Variants in GLG1 observed in about 807,000 individuals in gnomAD.
GLG1 encodes Golgi apparatus protein 1.
Under a neutral mutation model 160.5 loss-of-function variants are expected in GLG1, and 38 were observed. The ratio of observed to expected loss-of-function variants is 0.24; its 90% CI spans 0.18 to 0.31. The LOEUF (loss-of-function observed/expected upper bound fraction) is 0.31, where lower values mean the gene tolerates loss of function less well. Ranked by LOEUF, GLG1 falls within the 10% of genes least tolerant of loss-of-function variation. The probability of loss-of-function intolerance (pLI) is 1.00; values close to 1 mark genes in which losing one functional copy is unlikely to be tolerated. For synonymous variants in GLG1, 644 were observed against 543.4 expected (o/e 1.19, Z -2.57); for missense variants, 1,373 against 1,505.2 (o/e 0.91, Z 1.45).
At chr16:74,467,921 T>C (rs2015058222) in intron 17 of GLG1, 73 bp from the exon 18 acceptor site, 1 of 954,172 alleles carries the variant, frequency 1.0e-6, no homozygotes, top group Admixed American at 2.1e-5. Context: ...GGAGACTTAT[T>C]TGTTGACTGC....
intron 1 of GLG1, among the ~76,000 whole-genome samples, chr16:74,551,008 G>A (rs1597338367): frequency 6.6e-6 from 1 of 152,228 alleles, no homozygotes; most frequent in East Asian, 1.9e-4. Flanking sequence ...TATTCATGTT[G>A]AATCTAACGG....
At chr16:74,484,031 T>C (rs1053466589) in intron 9 of GLG1, among the ~76,000 whole-genome samples, 4 of 152,062 alleles carry the variant, frequency 2.6e-5, no homozygotes, top group African/African-American at 9.7e-5. Context: ...AACTGATAAG[T>C]ATCTTAAATG....
intron 1 of GLG1, among the ~76,000 whole-genome samples, chr16:74,564,798 C>G (rs994022858): frequency 6.6e-6 from 1 of 152,238 alleles, no homozygotes; most frequent in Non-Finnish European, 1.5e-5. Context: ...AATGCAACAT[C>G]ATCAAATTGA....
rs1417184964 is a variant in GLG1, at chr16:74,491,188, C to T, written c.1262G>A (p.Gly421Glu). 2 of 1,613,972 alleles carry T rather than the reference C, an allele frequency of 1.2e-6. No individual in the cohort carries two copies. The highest frequency in any genetic ancestry group is 1.7e-6 in the Non-Finnish European group (2 of 1,179,862). Reference protein sequence around the residue: ...RGRQVSSECQGEMLDYRRMLM... With the variant: ...RGRQVSSECQEEMLDYRRMLM... ...CATGCGTCGGTAATCCAGCATCTCCCCCTGGCACTCACTGCTGACTTGTCG... is the reference window on the plus strand; with the variant it reads ...CATGCGTCGGTAATCCAGCATCTCCTCCTGGCACTCACTGCTGACTTGTCG... The change falls in exon 8 of 26, where the codon GGG (glycine) becomes GAG (glutamate). Residue 421 changes from glycine to glutamate, a missense_variant. By Grantham distance (98) the Gly-to-Glu change is moderately conservative (BLOSUM62 -2). This residue lies in a region of GLG1 where 386 missense variants were observed against 388.5 expected (regional missense o/e 0.99). Coordinates refer to ENST00000422840, the MANE Select transcript of GLG1 (RefSeq NM_001145667.2).
In GLG1 at chr16:74,545,256, C is replaced by T. The variant is rs534421176; in HGVS notation, c.439-13103G>A. ...AGTGCAGTGGTACAATCTCAGTTCA[C>T]TGAAGCCTCAACCTCCCAGCCTCAA... On this transcript the variant is annotated intron_variant, in intron 1 of 25. Coordinates refer to ENST00000422840, the MANE Select transcript of GLG1 (RefSeq NM_001145667.2). Among the ~76,000 whole-genome samples, 16 of 152,224 alleles carry T rather than the reference C, an allele frequency of 1.1e-4. No individual in the cohort carries two copies. In the South Asian group the frequency reaches 3.1e-3, roughly 30 times the overall value.
At chr16:74,553,469 G>GTTT (rs537408696) in intron 1 of GLG1, among the ~76,000 whole-genome samples, 7 of 106,080 alleles carry the variant, frequency 6.6e-5, no homozygotes, top group Admixed American at 1.2e-4. Flanking sequence ...TTTTGTTTCG[G>GTTT]TTTTTTTTTT....
chr16:74,471,951 C>G (rs2143252690), intron 14 of GLG1, among the ~76,000 whole-genome samples: 1 of 152,058 alleles, frequency 6.6e-6, no homozygotes, highest in East Asian at 1.9e-4. Context: ...GTTGCTTAGG[C>G]TGGAGTGCAG....
intron 1 of GLG1, among the ~76,000 whole-genome samples, chr16:74,602,879 G>A (rs1164419045): frequency 6.6e-6 from 1 of 151,972 alleles, no homozygotes; most frequent in African/African-American, 2.4e-5. Flanking sequence ...GAAAATCTAT[G>A]GGGCACGCAC....
chr16:74,469,740 T>C (rs533542530), intron 16 of GLG1: 2 of 512,070 alleles, frequency 3.9e-6, no homozygotes, highest in African/African-American at 3.8e-5. Flanking sequence ...GTCAGTTAGA[T>C]GGCCTGACCT....
intron 1 of GLG1, among the ~76,000 whole-genome samples, chr16:74,596,893 G>A (rs1327092206): frequency 6.6e-6 from 1 of 152,110 alleles, no homozygotes; most frequent in East Asian, 1.9e-4. Context: ...AAGGCAGGAG[G>A]ACTGCTTGAA....
intron 2 of GLG1, among the ~76,000 whole-genome samples, chr16:74,524,928 G>C (rs2017288706): frequency 6.6e-6 from 1 of 152,080 alleles, no homozygotes; most frequent in Non-Finnish European, 1.5e-5. Context: ...TGTCCTTTTT[G>C]TGATCTTTTG....
At position 74,459,686 on chromosome 16, in the gene GLG1, T is replaced by C. The variant is rs781255449; in HGVS notation, c.3140A>G (p.Lys1047Arg). ...NLLKIKTELC[K>R]KEVLNMLKES... Reference sequence around the variant, plus strand: ...AAAGAAGGTGACGGTGGTTACCTTTTTACACAATTCTGTTTTGATCTTGAG... The same window carrying C: ...AAAGAAGGTGACGGTGGTTACCTTTCTACACAATTCTGTTTTGATCTTGAG... Residue 1047 changes from lysine to arginine, a missense_variant, in exon 23 of 26, where the codon AAA (lysine) becomes AGA (arginine). By Grantham distance (26) the Lys-to-Arg change is conservative. Coordinates refer to ENST00000422840, the MANE Select transcript of GLG1 (RefSeq NM_001145667.2). 2.0e-6 allele frequency: 3 copies of C among 1,519,382 alleles called. No individual in the cohort carries two copies. Among genetic ancestry groups the C allele is most frequent in the African/African-American group, 2.8e-5 (2 of 72,324 alleles). 94.1% of individuals were successfully genotyped at this position (1,519,382 alleles called of 1,614,324 possible).
chr16:74,590,637 A>AG (rs1958155586), intron 1 of GLG1, among the ~76,000 whole-genome samples: 1 of 150,670 alleles, frequency 6.6e-6, no homozygotes, highest in Middle Eastern at 3.4e-3. Flanking sequence ...AAAAAAAAAA[A>AG]AAAGAAATTA....
chr16:74,483,434 C>T (rs1374610892), intron 9 of GLG1, among the ~76,000 whole-genome samples: 1 of 152,156 alleles, frequency 6.6e-6, no homozygotes, highest in African/African-American at 2.4e-5. Context: ...CCTTCCCTCC[C>T]CATAACTTTA....
At chr16:74,600,801 G>A (rs1958425190) in intron 1 of GLG1, among the ~76,000 whole-genome samples, 2 of 150,738 alleles carry the variant, frequency 1.3e-5, no homozygotes, top group South Asian at 4.2e-4. Flanking sequence ...TAGCAGAGCT[G>A]TGTTCCACCC....
At chr16:74,482,936 CTGAT>C (rs1412510005) in intron 10 of GLG1, 83 bp downstream of exon 10, 30 of 786,748 alleles carry the variant, frequency 3.8e-5, no homozygotes, top group Non-Finnish European at 6.1e-5. Flanking sequence ...GAGTTTCCTA[CTGAT>C]TATTTTAATA....
At chr16:74,472,754 CA>C (rs1384509393) in intron 13 of GLG1, 2 of 406,154 alleles carry the variant, frequency 4.9e-6, no homozygotes, top group Non-Finnish European at 9.6e-6. Flanking sequence ...AAAATGAAAA[CA>C]GGGGTAACTG....
intron 2 of GLG1, among the ~76,000 whole-genome samples, chr16:74,516,236 G>C (rs1235416191): frequency 6.6e-6 from 1 of 151,550 alleles, no homozygotes; most frequent in South Asian, 2.1e-4. Context: ...CTCCACCCCA[G>C]ATCAACAGAA....
intron 1 of GLG1, among the ~76,000 whole-genome samples, chr16:74,542,556 A>G (rs1420484898): frequency 4.6e-5 from 7 of 151,414 alleles, no homozygotes; most frequent in Admixed American, 2.6e-4. Flanking sequence ...CTGTAATCCC[A>G]GCTACTTTGG....
Sources: gnomAD v4.1 joint callset for allele counts (sites outside exome capture counted in the v4.1 genomes callset) on GRCh38, gnomAD v4.1.1 for gene constraint, gnomAD v4.1.1 regional missense constraint, MANE v1.5 for transcripts, NCBI Gene and HGNC (gene_info 2026-07-23, HGNC 2026-07-21) for gene names.